CPEB3: variants seen among roughly 807,000 people sequenced by gnomAD.
CPEB3 encodes cytoplasmic polyadenylation element binding protein 3.
Under a neutral mutation model 67.2 loss-of-function variants are expected in CPEB3, and 20 were observed. That is an observed-to-expected ratio of 0.30 (90% CI 0.21 to 0.43). The LOEUF (loss-of-function observed/expected upper bound fraction) is 0.43. Ranked by LOEUF, CPEB3 falls within the 20% of genes least tolerant of loss-of-function variation. The probability of loss-of-function intolerance (pLI) is 1.00; values close to 1 mark genes in which losing one functional copy is unlikely to be tolerated. For missense variants in CPEB3, 746 were observed against 968.6 expected, an observed-to-expected ratio of 0.77 and a Z score of 3.05; for synonymous variants, 376 against 393.1, an observed-to-expected ratio of 0.96 and a Z score of 0.51.
intron 6 of CPEB3, among the ~76,000 whole-genome samples, chr10:92,116,881 T>A (rs1845054674): frequency 6.6e-6 from 1 of 152,274 alleles, no homozygotes; most frequent in African/African-American, 2.4e-5. Context: ...GGTAGAACAC[T>A]GAGGGATTTT....
At chr10:92,271,790 T>C (rs1017031601) in intron 1 of CPEB3, among the ~76,000 whole-genome samples, 1 of 152,196 alleles carries the variant, frequency 6.6e-6, no homozygotes. Flanking sequence ...AGACACTTTC[T>C]ATGTAAATAT....
chr10:92,079,289 A>T (rs947316486), intron 9 of CPEB3, among the ~76,000 whole-genome samples: 3 of 152,196 alleles, frequency 2.0e-5, no homozygotes, highest in Admixed American at 6.5e-5. Flanking sequence ...ATCAAGCATC[A>T]ATGACTAAAT....
At chr10:92,171,078 G>A (rs377473303) in intron 4 of CPEB3, among the ~76,000 whole-genome samples, 48 of 152,314 alleles carry the variant, frequency 3.2e-4, no homozygotes, top group Middle Eastern at 3.4e-3. Flanking sequence ...GGCTGGGCCC[G>A]TTGGTCAGTG....
At chr10:92,121,571 T>C (rs1234251646) in intron 6 of CPEB3, among the ~76,000 whole-genome samples, 2 of 151,518 alleles carry the variant, frequency 1.3e-5, no homozygotes, top group Non-Finnish European at 2.9e-5. Flanking sequence ...AGGTCTCCCA[T>C]TCTAAAAAGA....
rs971279627 is a variant in CPEB3 at position 92,049,708 on chromosome 10, G to C, written c.*2504C>G. ...GACAATGTTTTTTGCCTTCACTTTA[G>C]CTTTATGCTGTACAATCTTCCAGCT... On this transcript the variant is annotated 3_prime_UTR_variant, in exon 10 of 10. Coordinates refer to ENST00000265997, the MANE Select transcript of CPEB3 (RefSeq NM_014912.5). 1 of 152,360 alleles carries C rather than the reference G, an allele frequency of 6.6e-6. No individual in the cohort carries two copies. Among genetic ancestry groups the C allele is most frequent in the Non-Finnish European group, 1.5e-5 (1 of 67,986 alleles). 9.4% of individuals were successfully genotyped at this position (152,360 alleles called of 1,614,324 possible). A position where few individuals can be genotyped will look rare whatever the true frequency, so the allele number is the denominator to read the frequency against.
chr10:92,066,954 CAGG>C (rs1334281780), intron 9 of CPEB3, among the ~76,000 whole-genome samples: 4 of 151,780 alleles, frequency 2.6e-5, no homozygotes, highest in African/African-American at 7.3e-5. Context: ...GAGGCTGAGG[CAGG>C]AGAATTGCTT....
rs1354763420 is a variant in CPEB3, at chr10:92,181,086, T to C, written c.1166-67A>G. 4.8e-6 allele frequency: 4 copies of C among 830,886 alleles called. No individual in the cohort carries two copies. The Admixed American group carries it at 8.6e-5, about 18-fold the overall frequency. The allele number at this position is 830,886 out of a possible 1,614,324, so 51.5% of individuals were successfully genotyped here. On this transcript the variant is annotated intron_variant, in intron 3 of 9. Transcript: ENST00000265997. ...TAATCATTTCAAACACATCTTAAAATATAAACATTACAAAAATCTAAAACA... is the reference window on the plus strand; with the variant it reads ...TAATCATTTCAAACACATCTTAAAACATAAACATTACAAAAATCTAAAACA...
chr10:92,093,393 G>A, intron 7 of CPEB3, among the ~76,000 whole-genome samples: 1 of 152,192 alleles, frequency 6.6e-6, no homozygotes, highest in Non-Finnish European at 1.5e-5. Flanking sequence ...TATGTGGCTT[G>A]GCTTATACCC....
At chr10:92,129,360 G>A (rs1845739718) in intron 6 of CPEB3, among the ~76,000 whole-genome samples, 1 of 152,092 alleles carries the variant, frequency 6.6e-6, no homozygotes, top group Non-Finnish European at 1.5e-5. Flanking sequence ...TGGAGGGTGG[G>A]AGGAGGGAGA....
intron 6 of CPEB3, chr10:92,137,498 G>A: frequency 9.5e-7 from 1 of 1,050,182 alleles, no homozygotes. Context: ...TCAGCCACAA[G>A]GCCTTCTGAT....
In CPEB3 at chr10:92,250,394, T is replaced by TA. The variant is rs200522160; in HGVS notation, c.-11-10034dup. ...TGAGCCACTGTACCCGGCCAATTTT[T>TA]AAAAAAAAAATTTAAAAGTTTAAAA... is the stretch of plus-strand genomic sequence containing the variant. On this transcript the variant is annotated intron_variant, in intron 1 of 9. Transcript: ENST00000265997. Among the ~76,000 whole-genome samples the TA allele has an allele frequency of 1.0e-2, 1,505 of 150,896 alleles. 11 individuals carry two copies. Among genetic ancestry groups the TA allele is most frequent in the Middle Eastern group, 0.017 (5 of 290 alleles).
intron 2 of CPEB3, among the ~76,000 whole-genome samples, chr10:92,236,886 A>G (rs72807269): frequency 0.12 from 18,075 of 152,274 alleles, 1,335 homozygotes; most frequent in Middle Eastern, 0.2. Flanking sequence ...TTCTTTAAAA[A>G]TTTTAACATA....
chr10:92,264,830 C>T (rs1345096645), intron 1 of CPEB3, among the ~76,000 whole-genome samples: 9 of 151,800 alleles, frequency 5.9e-5, no homozygotes, highest in Non-Finnish European at 1.0e-4. Flanking sequence ...GGCAGGACGA[C>T]GATCACTGAG....
At chr10:92,121,342 C>T (rs1415067184) in intron 6 of CPEB3, among the ~76,000 whole-genome samples, 3 of 147,556 alleles carry the variant, frequency 2.0e-5, no homozygotes, top group African/African-American at 4.9e-5. Flanking sequence ...TGGGGAAATA[C>T]ACACACATAT....
chr10:92,206,556 A>G (rs1274903762), intron 2 of CPEB3, among the ~76,000 whole-genome samples: 1 of 152,152 alleles, frequency 6.6e-6, no homozygotes, highest in Non-Finnish European at 1.5e-5. Flanking sequence ...CTAGGACTTA[A>G]GGCACATGCC....
At chr10:92,055,728 A>G (rs1397337319) in intron 9 of CPEB3, among the ~76,000 whole-genome samples, 2 of 125,296 alleles carry the variant, frequency 1.6e-5, no homozygotes, top group Non-Finnish European at 3.4e-5. Context: ...GCCAATAGAT[A>G]TGACTCTTAA....
intron 1 of CPEB3, among the ~76,000 whole-genome samples, chr10:92,243,933 C>T (rs940230313): frequency 5.3e-5 from 8 of 152,146 alleles, no homozygotes; most frequent in Admixed American, 1.3e-4. Context: ...TCTGAACCAA[C>T]TCACCTCCTT....
intron 7 of CPEB3, among the ~76,000 whole-genome samples, chr10:92,097,814 G>T (rs1322644049): frequency 6.6e-6 from 1 of 151,994 alleles, no homozygotes; most frequent in African/African-American, 2.4e-5. Context: ...TCTCCTTCTT[G>T]GAGTTTCATG....
intron 2 of CPEB3, chr10:92,216,553 A>G (rs1850409770): frequency 1.2e-6 from 2 of 1,612,428 alleles, no homozygotes. Context: ...TCAACAAAGG[A>G]GAAAAAGGGA....
Sources: allele counts gnomAD v4.1 joint callset (sites outside exome capture counted in the v4.1 genomes callset), GRCh38; gene constraint gnomAD v4.1.1; transcripts MANE v1.5; gene names NCBI Gene and HGNC (gene_info 2026-07-23, HGNC 2026-07-21).